The following HDAC4 variants were observed in gnomAD, a reference collection of about 807,000 sequenced individuals.
HDAC4 encodes histone deacetylase 4, also known as histone deacetylase A.
In HDAC4, 16 loss-of-function variants were observed where a neutral mutation model predicts 135.1. That is an observed-to-expected ratio of 0.12 (90% CI 0.08 to 0.18). The LOEUF is 0.18. Among genes scored for constraint, HDAC4 ranks in the 10% least tolerant of loss-of-function variants. The pLI, the probability that HDAC4 is intolerant of heterozygous loss-of-function variation, is 1.00. For synonymous variants in HDAC4, 685 were observed against 653.4 expected (o/e 1.05, Z -0.74); for missense variants, 1,143 against 1,511.8 (o/e 0.76, Z 4.05).
chr2:239,397,408 C>T (rs971218629), intron 1 of HDAC4, among the ~76,000 whole-genome samples: 4 of 152,154 alleles, frequency 2.6e-5, no homozygotes, highest in Non-Finnish European at 4.4e-5. Context: ...GACAGCTGCT[C>T]GTGGCATCAT....
chr2:239,137,887 C>G (rs1342329444), intron 9 of HDAC4, among the ~76,000 whole-genome samples: 1 of 152,222 alleles, frequency 6.6e-6, no homozygotes, highest in African/African-American at 2.4e-5. Flanking sequence ...GTAACTCCTT[C>G]TACATGTTCT....
intron 11 of HDAC4, among the ~76,000 whole-genome samples, chr2:239,131,957 G>T (rs1371044524): frequency 1.3e-5 from 2 of 152,204 alleles, no homozygotes; most frequent in African/African-American, 4.8e-5. Flanking sequence ...AGACCGGAGG[G>T]GAGGAACCTG....
intron 3 of HDAC4, among the ~76,000 whole-genome samples, chr2:239,193,766 C>A (rs2045174585): frequency 6.6e-6 from 1 of 152,250 alleles, no homozygotes; most frequent in Admixed American, 6.5e-5. Context: ...TCTGCACACC[C>A]AAGGTTGGCT....
intron 2 of HDAC4, among the ~76,000 whole-genome samples, chr2:239,304,656 C>T (rs2052470502): frequency 6.6e-6 from 1 of 152,146 alleles, no homozygotes; most frequent in Non-Finnish European, 1.5e-5. Context: ...TAAACACTAC[C>T]GTGTCCTGCC....
At chr2:239,177,645 G>T (rs376586247) in intron 4 of HDAC4, among the ~76,000 whole-genome samples, 1 of 152,048 alleles carries the variant, frequency 6.6e-6, no homozygotes, top group Non-Finnish European at 1.5e-5. Flanking sequence ...AACTGACGTC[G>T]ACATAAAATG....
chr2:239,293,550 G>A (rs1223349972), intron 2 of HDAC4, among the ~76,000 whole-genome samples: 1 of 152,194 alleles, frequency 6.6e-6, no homozygotes, highest in African/African-American at 2.4e-5. Flanking sequence ...AGGTAGTTAA[G>A]GGGTCAAGAG....
At chr2:239,257,392 T>TG (rs1452195995) in intron 2 of HDAC4, among the ~76,000 whole-genome samples, 3 of 151,994 alleles carry the variant, frequency 2.0e-5, no homozygotes, top group Admixed American at 1.3e-4. Context: ...AGACAAAGGC[T>TG]GGGGGGTGAA....
At chr2:239,102,990 A>G in intron 15 of HDAC4, 94 bp from the exon 16 acceptor site, 4 of 1,490,494 alleles carry the variant, frequency 2.7e-6, no homozygotes, top group Non-Finnish European at 3.7e-6. Context: ...ATTGCCCAAA[A>G]GGAAACTTAA....
chr2:239,339,120 T>C (rs565905586), intron 2 of HDAC4, among the ~76,000 whole-genome samples: 2 of 152,348 alleles, frequency 1.3e-5, no homozygotes, highest in South Asian at 4.1e-4. Flanking sequence ...TGTCTCTGAA[T>C]GAATATACCA....
At chr2:239,140,016 T>C (rs1006149493) in intron 8 of HDAC4, among the ~76,000 whole-genome samples, 2 of 152,264 alleles carry the variant, frequency 1.3e-5, no homozygotes, top group Non-Finnish European at 2.9e-5. Flanking sequence ...TTCTAGGACA[T>C]GTACGTTACC....
intron 11 of HDAC4, among the ~76,000 whole-genome samples, chr2:239,129,177 C>G (rs1379640165): frequency 6.6e-6 from 1 of 152,196 alleles, no homozygotes. Flanking sequence ...TCTGCTGCCT[C>G]CAGGGTGCAA....
intron 2 of HDAC4, among the ~76,000 whole-genome samples, chr2:239,277,943 G>A (rs916979871): frequency 8.4e-5 from 10 of 119,234 alleles, no homozygotes; most frequent in African/African-American, 3.0e-4. Context: ...ACACACGCCA[G>A]CCACACACTC....
intron 2 of HDAC4, among the ~76,000 whole-genome samples, chr2:239,286,871 A>G (rs970733361): frequency 4.6e-5 from 7 of 152,182 alleles, no homozygotes; most frequent in African/African-American, 1.7e-4. Context: ...CATGTTGGTG[A>G]AATAGAGACA....
intron 15 of HDAC4, among the ~76,000 whole-genome samples, chr2:239,103,436 G>A (rs377682009): frequency 1.3e-5 from 2 of 152,182 alleles, no homozygotes; most frequent in Non-Finnish European, 2.9e-5. Context: ...TGAGATCCCT[G>A]GGCTAATTCA....
At chr2:239,198,231 TTA>T (rs1047217952) in intron 3 of HDAC4, among the ~76,000 whole-genome samples, 20 of 152,058 alleles carry the variant, frequency 1.3e-4, no homozygotes, top group African/African-American at 4.6e-4. Context: ...TTGCCCCTGG[TTA>T]TGTGTTGCCG....
At chr2:239,067,431 C>T (rs566825592) in intron 23 of HDAC4, among the ~76,000 whole-genome samples, 305 of 152,328 alleles carry the variant, frequency 2.0e-3, no homozygotes, top group Middle Eastern at 3.4e-3. Context: ...CCCGGAACCA[C>T]GCGCCGCTAA....
Position 239,299,255 on chromosome 2 carries a change from T to C in HDAC4, c.22+53423A>G, listed in dbSNP as rs1020712467. On this transcript the variant is annotated intron_variant, in intron 2 of 26. Transcript: ENST00000543185. The surrounding 1 kb of genome is among the most constrained non-coding windows in gnomAD (Gnocchi z 4.0). ...ATCCTCTCAATGTCAACACATCCAC[T>C]GCCAACATCAGAGTGAAAATGCCTC... 6.6e-6 allele frequency among the ~76,000 whole-genome samples: 1 copy of C among 152,228 alleles called. No homozygotes were observed. Among genetic ancestry groups the C allele is most frequent in the Non-Finnish European group, 1.5e-5 (1 of 68,044 alleles).
At chr2:239,105,470 G>A (rs1278906602) in intron 15 of HDAC4, among the ~76,000 whole-genome samples, 2 of 152,246 alleles carry the variant, frequency 1.3e-5, no homozygotes, top group African/African-American at 2.4e-5. Flanking sequence ...CTGCTCTGGA[G>A]TGAGGCAGGG....
Position 239,166,413 on chromosome 2 carries a change from G to A in HDAC4, c.491-2490C>T, listed in dbSNP as rs1385755024. The stretch of plus-strand genomic sequence containing the variant: ...GCCCGAGTCAAGCTGTGCCTGTGAC[G>A]TCCCCCAGCTCATGCTGCTGAAGAT... On this transcript the variant is annotated intron_variant, in intron 5 of 26. Transcript: ENST00000543185. Among the ~76,000 whole-genome samples the A allele has an allele frequency of 5.3e-5, 8 of 152,162 alleles. No homozygotes were observed. In the East Asian group the frequency reaches 9.6e-4, roughly 18 times the overall value.
Sources: allele counts gnomAD v4.1 joint callset (sites outside exome capture counted in the v4.1 genomes callset), GRCh38; gene constraint gnomAD v4.1.1; non-coding constraint Gnocchi (gnomAD v3.1); transcripts MANE v1.5; gene names NCBI Gene and HGNC (gene_info 2026-07-23, HGNC 2026-07-21).